Variants in CNTN3 observed in about 807,000 individuals in gnomAD.
CNTN3 encodes contactin 3, also known as contactin-3.
A neutral mutation model predicts 119.1 loss-of-function variants in CNTN3; 60 were observed. The ratio of observed to expected loss-of-function variants is 0.50; its 90% CI spans 0.41 to 0.62. The LOEUF (loss-of-function observed/expected upper bound fraction) is 0.62, where lower values mean the gene tolerates loss of function less well. CNTN3 is among the 20% of genes least tolerant of loss of function. The pLI, the probability that CNTN3 is intolerant of heterozygous loss-of-function variation, is 0.00. For synonymous variants in CNTN3, 450 were observed against 438.7 expected (o/e 1.03, Z -0.32); for missense variants, 1,101 against 1,242.4 (o/e 0.89, Z 1.71).
chr3:74,389,329 T>G (rs1704836069), intron 5 of CNTN3, among the ~76,000 whole-genome samples: 2 of 152,268 alleles, frequency 1.3e-5, no homozygotes, highest in South Asian at 4.2e-4. Context: ...GTATTCTCCT[T>G]TTTTCACGGG....
At chr3:74,561,220 A>G (rs1249824844) in intron 1 of CNTN3, among the ~76,000 whole-genome samples, 1 of 152,120 alleles carries the variant, frequency 6.6e-6, no homozygotes, top group Non-Finnish European at 1.5e-5. Flanking sequence ...ACTTAAAAAA[A>G]AAACTGACAG....
intron 1 of CNTN3, among the ~76,000 whole-genome samples, chr3:74,574,294 G>A (rs1333154624): frequency 1.3e-5 from 2 of 152,178 alleles, no homozygotes; most frequent in Admixed American, 6.5e-5. Context: ...AGGGGGAGAA[G>A]AGACTGGGGA....
At position 74,297,130 on chromosome 3, in the gene CNTN3, G is replaced by A. The variant is rs986263136; in HGVS notation, c.2401+827C>T. Among the ~76,000 whole-genome samples, 9 of 152,040 alleles carry A rather than the reference G, an allele frequency of 5.9e-5. No individual in the cohort carries two copies. In the South Asian group the frequency reaches 8.3e-4, roughly 14 times the overall value. On this transcript the variant is annotated intron_variant, in intron 18 of 22. Coordinates refer to ENST00000263665, the MANE Select transcript of CNTN3 (RefSeq NM_020872.3). ...TTGCATGTCTGTTGAATGAGATACC[G>A]CTGCTCCTGACTCTTCATCCAGTAA...
chr3:74,366,346 A>G (rs968734700), intron 8 of CNTN3, among the ~76,000 whole-genome samples: 5 of 152,156 alleles, frequency 3.3e-5, no homozygotes, highest in African/African-American at 1.2e-4. Context: ...TTATGTATGC[A>G]AATAAGTTCA....
chr3:74,576,120 G>A (rs1704412017), intron 1 of CNTN3, among the ~76,000 whole-genome samples: 1 of 151,880 alleles, frequency 6.6e-6, no homozygotes, highest in Non-Finnish European at 1.5e-5. Context: ...CGCCTCTTTT[G>A]GCCTCATTCC....
intron 5 of CNTN3, among the ~76,000 whole-genome samples, chr3:74,407,083 T>C (rs549997907): frequency 8.5e-5 from 13 of 152,254 alleles, no homozygotes; most frequent in African/African-American, 3.1e-4. Context: ...CATTCTCTCT[T>C]ACAATAGGAT....
chr3:74,389,495 T>C (rs1390382441), intron 5 of CNTN3, among the ~76,000 whole-genome samples: 1 of 152,234 alleles, frequency 6.6e-6, no homozygotes, highest in Admixed American at 6.5e-5. Context: ...AAAAGTATTT[T>C]ATAGTTGTAA....
chr3:74,348,663 C>T (rs952760720), intron 11 of CNTN3, among the ~76,000 whole-genome samples: 1 of 152,148 alleles, frequency 6.6e-6, no homozygotes, highest in Non-Finnish European at 1.5e-5. Context: ...TGTCTCCAGC[C>T]CCCATCCCAC....
At position 74,438,838 on chromosome 3, in the gene CNTN3, C is replaced by G. The variant is rs368507390; in HGVS notation, c.359-13898G>C. Among the ~76,000 whole-genome samples, 12 of 152,284 alleles carry G rather than the reference C, an allele frequency of 7.9e-5. No individual in the cohort carries two copies. In the South Asian group the frequency reaches 2.5e-3, roughly 32 times the overall value. On this transcript the variant is annotated intron_variant, in intron 4 of 22. Transcript: ENST00000263665. ...CACATAAGATGGTACAAGTTGACTTCTATCAATTATAGCAATATTGAAAAA... is the reference window on the plus strand; with the variant it reads ...CACATAAGATGGTACAAGTTGACTTGTATCAATTATAGCAATATTGAAAAA...
At chr3:74,554,157 C>G (rs1017690982) in intron 1 of CNTN3, among the ~76,000 whole-genome samples, 20 of 152,214 alleles carry the variant, frequency 1.3e-4, no homozygotes, top group African/African-American at 4.6e-4. Flanking sequence ...TTTCCCAATG[C>G]CATTTATTAA....
chr3:74,474,749 G>T (rs1395746987), intron 4 of CNTN3, among the ~76,000 whole-genome samples: 1 of 152,146 alleles, frequency 6.6e-6, no homozygotes, highest in Non-Finnish European at 1.5e-5. Context: ...AAGTGTTGGA[G>T]GTGGGGCCTG....
At chr3:74,399,566 CCT>C (rs1231008512) in intron 5 of CNTN3, among the ~76,000 whole-genome samples, 5 of 152,052 alleles carry the variant, frequency 3.3e-5, no homozygotes, top group Admixed American at 3.3e-4. Flanking sequence ...CAGTTGATTC[CCT>C]GTCTTTGCTA....
chr3:74,281,419 C>T (rs1321374794), intron 20 of CNTN3, among the ~76,000 whole-genome samples: 2 of 152,096 alleles, frequency 1.3e-5, no homozygotes, highest in African/African-American at 4.8e-5. Context: ...CAGCTCTGAT[C>T]GATCTCCTAG....
chr3:74,612,427 G>A (rs894106856), intron 1 of CNTN3, among the ~76,000 whole-genome samples: 1 of 152,158 alleles, frequency 6.6e-6, no homozygotes, highest in Non-Finnish European at 1.5e-5. Flanking sequence ...TGGTTGTGTT[G>A]TGAAGAATAT....
chr3:74,350,271 C>T (rs537617028), intron 11 of CNTN3, among the ~76,000 whole-genome samples: 11 of 152,102 alleles, frequency 7.2e-5, no homozygotes, highest in Admixed American at 2.0e-4. Context: ...ATGATGGAAA[C>T]AGTTAAGTAA....
Position 74,418,201 on chromosome 3 carries a change from T to C in CNTN3, c.454+6644A>G, listed in dbSNP as rs557892141. Among the ~76,000 whole-genome samples the C allele has an allele frequency of 7.2e-5, 11 of 152,242 alleles. No individual in the cohort carries two copies. In the East Asian group the frequency reaches 1.7e-3, roughly 24 times the overall value. ...GAAAGCATATTCTTAATTCTGTTTT[T>C]TCCCCCTAAAGAGACAAAGTATTGC... is the stretch of plus-strand genomic sequence containing the variant. On this transcript the variant is annotated intron_variant, in intron 5 of 22. Transcript: ENST00000263665.
At chr3:74,503,084 C>G (rs771465027) in intron 2 of CNTN3, among the ~76,000 whole-genome samples, 4 of 152,254 alleles carry the variant, frequency 2.6e-5, no homozygotes, top group Admixed American at 2.6e-4. Context: ...TCACCTTGCA[C>G]GTGGTTTGGC....
intron 5 of CNTN3, among the ~76,000 whole-genome samples, chr3:74,392,380 TTCCCTCCC>T (rs916129117): frequency 6.9e-4 from 105 of 152,312 alleles, no homozygotes; most frequent in African/African-American, 2.4e-3. Flanking sequence ...GTCTTTCCTT[TTCCCTCCC>T]TCCCTCCCTT....
intron 4 of CNTN3, among the ~76,000 whole-genome samples, chr3:74,473,502 T>G (rs1278689803): frequency 6.6e-6 from 1 of 152,222 alleles, no homozygotes; most frequent in Non-Finnish European, 1.5e-5. Flanking sequence ...TGCTTTATTT[T>G]GAAAAGAGAT....
Sources: gnomAD v4.1 joint callset for allele counts (sites outside exome capture counted in the v4.1 genomes callset) on GRCh38, gnomAD v4.1.1 for gene constraint, MANE v1.5 for transcripts, NCBI Gene and HGNC (gene_info 2026-07-23, HGNC 2026-07-21) for gene names.